The following REG4 variants were observed in gnomAD, a reference collection of about 807,000 sequenced individuals.
REG4 encodes the protein regenerating islet-derived protein 4.
A neutral mutation model predicts 22.3 loss-of-function variants in REG4; 16 were observed. The observed-to-expected ratio is 0.72, with a 90% CI of 0.49 to 1.09. REG4 has a LOEUF of 1.09. REG4 is among the 50% of genes least tolerant of loss of function. The probability of loss-of-function intolerance (pLI) is 0.00; values close to 1 mark genes in which losing one functional copy is unlikely to be tolerated. For synonymous variants in REG4, 71 were observed against 69.2 expected (o/e 1.03, Z -0.13); for missense variants, 214 against 193.9 (o/e 1.10, Z -0.61).
chr1:119,803,086 C>T lies in REG4; in HGVS notation c.147G>A (p.Arg49=), dbSNP rs1165468991. The T allele has an allele frequency of 3.8e-6, 6 of 1,588,390 alleles. No homozygotes were observed. The highest frequency in any genetic ancestry group is 1.4e-5 in the African/African-American group (1 of 73,904). Residue 49 remains arginine, a synonymous_variant, in exon 3 of 6, where the codon AGG becomes AGA. Transcript: ENST00000256585. The part of the protein sequence containing the change: ...SNCYGYFRKL[R]NWSDAELECQ... The stretch of plus-strand genomic sequence containing the variant: ...TTCTTACCTCGGCATCAGACCAGTT[C>T]CTCAGCTTCCTGAAGTAACCATAGC...
chr1:119,806,615 G>A (rs1040961975), intron 2 of REG4, among the ~76,000 whole-genome samples: 4 of 152,296 alleles, frequency 2.6e-5, no homozygotes, highest in Middle Eastern at 3.4e-3. Flanking sequence ...TCACAGGGGC[G>A]AGTAACCTGC....
At chr1:119,809,015 G>T (rs949351082) in intron 1 of REG4, 152 bp from the exon 2 acceptor site, 2 of 432,522 alleles carry the variant, frequency 4.6e-6, no homozygotes, top group Non-Finnish European at 8.2e-6. Flanking sequence ...AATTTTAAGA[G>T]ATTTTGTTCT....
chr1:119,802,341 T>C (rs990703216), intron 3 of REG4: 30 of 985,754 alleles, frequency 3.0e-5, no homozygotes, highest in Non-Finnish European at 3.5e-5. Flanking sequence ...CCTCAGTAGC[T>C]GGCATGTGGT....
intron 2 of REG4, among the ~76,000 whole-genome samples, chr1:119,805,319 CTG>C (rs1175334712): frequency 6.6e-6 from 1 of 152,146 alleles, no homozygotes; most frequent in East Asian, 1.9e-4. Flanking sequence ...ACCAGTGAGA[CTG>C]TTCTGAAAGA....
chr1:119,795,858 GC>G (rs1196795993), intron 5 of REG4, among the ~76,000 whole-genome samples: 7 of 152,248 alleles, frequency 4.6e-5, no homozygotes, highest in African/African-American at 1.7e-4. Context: ...AAGGCCATGG[GC>G]CAGGCTTGAG....
chr1:119,804,579 T>C (rs1654233552), intron 2 of REG4, among the ~76,000 whole-genome samples: 2 of 152,248 alleles, frequency 1.3e-5, no homozygotes, highest in Non-Finnish European at 2.9e-5. Flanking sequence ...AAGATATTCA[T>C]GTATTTAAAT....
At chr1:119,806,108 CT>C (rs1162137225) in intron 2 of REG4, among the ~76,000 whole-genome samples, 2 of 151,214 alleles carry the variant, frequency 1.3e-5, no homozygotes, top group African/African-American at 4.9e-5. Flanking sequence ...GTTTTTTGTA[CT>C]TTTTTTTTAG....
At chr1:119,806,673 A>G (rs762801336) in intron 2 of REG4, among the ~76,000 whole-genome samples, 3 of 152,130 alleles carry the variant, frequency 2.0e-5, no homozygotes, top group Non-Finnish European at 4.4e-5. Flanking sequence ...AGAGAAGCCA[A>G]TGTTTCCATG....
At chr1:119,806,025 G>A (rs587669543) in intron 2 of REG4, among the ~76,000 whole-genome samples, 81 of 152,278 alleles carry the variant, frequency 5.3e-4, no homozygotes, top group African/African-American at 1.6e-3. Flanking sequence ...TCGACTTCCC[G>A]GGCTCAGGTG....
In REG4 at chr1:119,795,573, A is replaced by G. The variant is rs587643726; in HGVS notation, c.410-888T>C. On this transcript the variant is annotated intron_variant, in intron 5 of 5. Coordinates refer to ENST00000256585, the MANE Select transcript of REG4 (RefSeq NM_032044.4). The stretch of plus-strand genomic sequence containing the variant: ...TCACTTGTCTTCCATGGGTGTCTGC[A>G]GCAGAGCGAGGAGTTGTTCCCTGGC... 4.6e-5 allele frequency among the ~76,000 whole-genome samples: 7 copies of G among 152,340 alleles called. No homozygotes were observed. In the South Asian group the frequency reaches 1.4e-3, roughly 32 times the overall value.
intron 4 of REG4, among the ~76,000 whole-genome samples, chr1:119,799,116 G>C (rs929105083): frequency 6.6e-6 from 1 of 152,020 alleles, no homozygotes; most frequent in South Asian, 2.1e-4. Flanking sequence ...GGGGCTTCCC[G>C]CTTTATGTTC....
chr1:119,801,139 T>C (rs1402252591), intron 3 of REG4: 1 of 152,214 alleles, frequency 6.6e-6, no homozygotes, highest in Non-Finnish European at 1.5e-5. Context: ...AGAAACCTAT[T>C]GTTCAATTAA....
chr1:119,809,020 T>C, intron 1 of REG4, 157 bp from the exon 2 acceptor site: 3 of 413,870 alleles, frequency 7.2e-6, no homozygotes, highest in Non-Finnish European at 1.3e-5. Context: ...TAAGAGATTT[T>C]GTTCTTACCT....
chr1:119,803,244 G>C lies in REG4; in HGVS notation c.68-79C>G, dbSNP rs587633358. 1.7e-5 allele frequency: 24 copies of C among 1,401,868 alleles called. No homozygotes were observed. In the African/African-American group the frequency reaches 3.2e-4, roughly 19 times the overall value. 86.8% of individuals were successfully genotyped at this position (1,401,868 alleles called of 1,614,324 possible). ...CCAGACTTGATACAGTTTGCAATCA[G>C]GAACCCCTTGAATGAAGAGAGTCCC... On this transcript the variant is annotated intron_variant, in intron 2 of 5. Coordinates refer to ENST00000256585, the MANE Select transcript of REG4 (RefSeq NM_032044.4).
intron 2 of REG4, among the ~76,000 whole-genome samples, chr1:119,807,164 AG>A (rs1339955179): frequency 6.6e-6 from 1 of 152,236 alleles, no homozygotes; most frequent in African/African-American, 2.4e-5. Context: ...ATCAGGACAA[AG>A]AACTCACTGT....
At chr1:119,803,474 G>A (rs1343517164) in intron 2 of REG4, among the ~76,000 whole-genome samples, 1 of 152,190 alleles carries the variant, frequency 6.6e-6, no homozygotes, top group East Asian at 1.9e-4. Context: ...GTGATCAATG[G>A]AGTTTTAGCT....
At chr1:119,798,746 A>G in intron 4 of REG4, 144 bp from the exon 5 acceptor site, 1 of 563,530 alleles carries the variant, frequency 1.8e-6, no homozygotes, top group South Asian at 3.1e-5. Context: ...AAAAAGAGAA[A>G]GTCATTCCAC....
At chr1:119,807,071 T>G (rs1315668124) in intron 2 of REG4, among the ~76,000 whole-genome samples, 1 of 152,204 alleles carries the variant, frequency 6.6e-6, no homozygotes, top group Non-Finnish European at 1.5e-5. Flanking sequence ...AGATGAAGTT[T>G]TTTAGTGTCC....
intron 4 of REG4, among the ~76,000 whole-genome samples, chr1:119,799,313 C>T (rs951481977): frequency 7.9e-5 from 12 of 151,738 alleles, no homozygotes; most frequent in Admixed American, 2.0e-4. Flanking sequence ...AAAAAAATTA[C>T]AGCATCTAAA....
Sources: allele counts gnomAD v4.1 joint callset (sites outside exome capture counted in the v4.1 genomes callset), GRCh38; gene constraint gnomAD v4.1.1; transcripts MANE v1.5; gene names NCBI Gene and HGNC (gene_info 2026-07-23, HGNC 2026-07-21).